Variants in TOM1L2 observed in about 807,000 individuals in gnomAD.
TOM1L2 encodes the protein target of myb1 like 2 membrane trafficking protein.
A neutral mutation model predicts 67.9 loss-of-function variants in TOM1L2; 31 were observed. The observed-to-expected ratio is 0.46, with a 90% CI of 0.34 to 0.62. The LOEUF is 0.62. TOM1L2 is among the 20% of genes least tolerant of loss of function. The pLI, the probability that TOM1L2 is intolerant of heterozygous loss-of-function variation, is 0.01. For missense variants in TOM1L2, 606 were observed against 663.5 expected (o/e 0.91, Z 0.95); for synonymous variants, 256 against 254.0 (o/e 1.01, Z -0.07).
intron 11 of TOM1L2, chr17:17,862,520 A>T (rs1598203190): frequency 1.3e-5 from 7 of 529,690 alleles, no homozygotes; most frequent in South Asian, 1.2e-4. Context: ...AGGGCAGGAG[A>T]GTGTGTGTGT....
At chr17:17,901,497 C>A (rs2038855015) in intron 2 of TOM1L2, among the ~76,000 whole-genome samples, 1 of 152,182 alleles carries the variant, frequency 6.6e-6, no homozygotes, top group Non-Finnish European at 1.5e-5. Context: ...AAGAACTCTT[C>A]CCTGATCCCC....
chr17:17,953,477 A>G (rs1464034866), intron 1 of TOM1L2, among the ~76,000 whole-genome samples: 1 of 152,210 alleles, frequency 6.6e-6, no homozygotes, highest in Admixed American at 6.5e-5. Flanking sequence ...TCAGGAGGAC[A>G]GAGAACCACT....
At chr17:17,912,078 TC>T (rs2039384646) in intron 1 of TOM1L2, among the ~76,000 whole-genome samples, 1 of 152,066 alleles carries the variant, frequency 6.6e-6, no homozygotes, top group Non-Finnish European at 1.5e-5. Context: ...ACGGCAACCA[TC>T]CGATTTCTCA....
At chr17:17,889,600 A>C (rs2038171909) in intron 4 of TOM1L2, among the ~76,000 whole-genome samples, 1 of 152,196 alleles carries the variant, frequency 6.6e-6, no homozygotes, top group Non-Finnish European at 1.5e-5. Flanking sequence ...ACCATGCCTC[A>C]CAGGCAGGAG....
intron 11 of TOM1L2, chr17:17,862,101 C>G (rs927005986): frequency 2.0e-5 from 3 of 153,680 alleles, no homozygotes; most frequent in African/African-American, 7.2e-5. Flanking sequence ...TACTGAGCCC[C>G]AAGCAGGACT....
chr17:17,933,026 C>CAAA (rs2040396054), intron 1 of TOM1L2, among the ~76,000 whole-genome samples: 1 of 152,090 alleles, frequency 6.6e-6, no homozygotes, highest in South Asian at 2.1e-4. Context: ...AACTAACAGT[C>CAAA]GTTTAAACAG....
chr17:17,925,761 A>G (rs1394371851), intron 1 of TOM1L2, among the ~76,000 whole-genome samples: 2 of 149,314 alleles, frequency 1.3e-5, no homozygotes, highest in Admixed American at 1.3e-4. Context: ...AGGCTGAGGT[A>G]GGAAGATCGC....
chr17:17,953,144 G>C (rs1260157143), intron 1 of TOM1L2, among the ~76,000 whole-genome samples: 1 of 152,118 alleles, frequency 6.6e-6, no homozygotes, highest in Non-Finnish European at 1.5e-5. Flanking sequence ...AGCCAGGCGT[G>C]GTGGTCACAC....
At chr17:17,955,949 T>C (rs2041421684) in intron 1 of TOM1L2, among the ~76,000 whole-genome samples, 1 of 152,178 alleles carries the variant, frequency 6.6e-6, no homozygotes, top group African/African-American at 2.4e-5. Flanking sequence ...CCGCCTGGAA[T>C]TGTTCATTCC....
At chr17:17,890,654 C>T (rs2038228178) in intron 4 of TOM1L2, among the ~76,000 whole-genome samples, 1 of 152,178 alleles carries the variant, frequency 6.6e-6, no homozygotes, top group South Asian at 2.1e-4. Flanking sequence ...CAACAGAGCA[C>T]TCTGGATGAA....
In TOM1L2 at chr17:17,847,446, A is replaced by C; in HGVS notation, c.*189T>G. On this transcript the variant is annotated 3_prime_UTR_variant, in exon 15 of 15. Transcript: ENST00000379504. ...AGTCTCTGGCTGCAGTTGTCCCACC[A>C]CTCAGAGAAAAGAAGTGGCTGAAGC... 1 of 699,798 alleles carries C rather than the reference A, an allele frequency of 1.4e-6. No individual in the cohort carries two copies. Among genetic ancestry groups the C allele is most frequent in the East Asian group, 2.8e-5 (1 of 35,326 alleles). The allele number at this position is 699,798 out of a possible 1,614,324, so 43.3% of individuals were successfully genotyped here.
intron 5 of TOM1L2, 52 bp downstream of exon 5, chr17:17,884,582 G>A: frequency 6.2e-7 from 1 of 1,609,002 alleles, no homozygotes; most frequent in Non-Finnish European, 8.5e-7. Flanking sequence ...CAGCAGCTTG[G>A]CTCACCCGTT....
chr17:17,898,743 G>T, intron 2 of TOM1L2, 69 bp from the exon 3 acceptor site: 3 of 1,493,546 alleles, frequency 2.0e-6, no homozygotes, highest in South Asian at 2.3e-5. Flanking sequence ...ACAGATATGT[G>T]AACTAGTATA....
At chr17:17,964,962 G>A (rs989533932) in intron 1 of TOM1L2, among the ~76,000 whole-genome samples, 1 of 152,110 alleles carries the variant, frequency 6.6e-6, no homozygotes, top group Non-Finnish European at 1.5e-5. Flanking sequence ...AGGCAATTAA[G>A]GACAAATGCT....
intron 1 of TOM1L2, among the ~76,000 whole-genome samples, chr17:17,928,038 G>A (rs1166260322): frequency 6.6e-6 from 1 of 152,102 alleles, no homozygotes; most frequent in East Asian, 1.9e-4. Context: ...AAAGTGTGTG[G>A]GGCTATGGAT....
At chr17:17,916,835 C>CTACTA (rs1233888750) in intron 1 of TOM1L2, among the ~76,000 whole-genome samples, 2 of 151,838 alleles carry the variant, frequency 1.3e-5, no homozygotes, top group African/African-American at 4.8e-5. Flanking sequence ...CCAGTCTGGT[C>CTACTA]AACACAGTGA....
chr17:17,896,935 C>G (rs902905774), intron 3 of TOM1L2, among the ~76,000 whole-genome samples: 1 of 152,136 alleles, frequency 6.6e-6, no homozygotes, highest in Non-Finnish European at 1.5e-5. Flanking sequence ...ATGCAAAGCG[C>G]GCTAGGATGG....
chr17:17,876,140 T>C (rs2037410875), intron 7 of TOM1L2, among the ~76,000 whole-genome samples: 1 of 152,214 alleles, frequency 6.6e-6, no homozygotes, highest in Admixed American at 6.5e-5. Context: ...CTGGATGACA[T>C]AATCGCAATC....
chr17:17,853,233 C>A (rs1254017898), intron 12 of TOM1L2, among the ~76,000 whole-genome samples: 1 of 152,214 alleles, frequency 6.6e-6, no homozygotes, highest in South Asian at 2.1e-4. Flanking sequence ...GCAGCATCTC[C>A]AGAGAGAAAA....
Sources: gnomAD v4.1 joint callset for allele counts (sites outside exome capture counted in the v4.1 genomes callset) on GRCh38, gnomAD v4.1.1 for gene constraint, MANE v1.5 for transcripts, NCBI Gene and HGNC (gene_info 2026-07-23, HGNC 2026-07-21) for gene names.